The following UNC79 variants were observed in gnomAD, a reference collection of about 807,000 sequenced individuals.
UNC79 encodes the protein unc-79 subunit of NALCN channel complex, also known as protein unc-79 homolog.
A neutral mutation model predicts 283.1 loss-of-function variants in UNC79; 37 were observed. The observed-to-expected ratio is 0.13, with a 90% CI of 0.10 to 0.17. UNC79 has a LOEUF of 0.17. Among genes scored for constraint, UNC79 ranks in the 10% least tolerant of loss-of-function variants. The probability of loss-of-function intolerance (pLI) is 1.00; values close to 1 mark genes in which losing one functional copy is unlikely to be tolerated. For missense variants in UNC79, 2,272 were observed against 3,211.1 expected (o/e 0.71, Z 7.07); for synonymous variants, 1,107 against 1,200.2 (o/e 0.92, Z 1.61).
chr14:93,497,312 C>T, intron 7 of UNC79, 26 bp downstream of exon 7: 1 of 1,603,412 alleles, frequency 6.2e-7, no homozygotes. Flanking sequence ...CCCTGTGATG[C>T]CCCATCTGTA....
intron 1 of UNC79, among the ~76,000 whole-genome samples, chr14:93,423,721 G>C (rs898466590): frequency 6.6e-6 from 1 of 152,134 alleles, no homozygotes; most frequent in African/African-American, 2.4e-5. Context: ...AATCAAAATG[G>C]ATTAAAGACT....
chr14:93,575,093 A>G (rs2063399371), exon 17 of UNC79: 1 of 1,613,516 alleles, frequency 6.2e-7, no homozygotes, highest in Non-Finnish European at 8.5e-7. Context: ...TTCCACTTCA[A>G]CTACTAATAA....
At chr14:93,654,761 T>G (rs1172671706) in intron 37 of UNC79, among the ~76,000 whole-genome samples, 2 of 152,136 alleles carry the variant, frequency 1.3e-5, no homozygotes, top group African/African-American at 4.8e-5. Flanking sequence ...ACAGAACAAC[T>G]TGGTTTTCCA....
chr14:93,347,908 G>C (rs77627449), intron 1 of UNC79: 26,629 of 589,258 alleles, frequency 0.045, 1,386 homozygotes, highest in African/African-American at 0.19. Context: ...TTCACTAGGC[G>C]CCTGTTTCTA....
At chr14:93,634,561 G>A in intron 31 of UNC79, 1 of 1,614,114 alleles carries the variant, frequency 6.2e-7, no homozygotes, top group Non-Finnish European at 8.5e-7. Flanking sequence ...TGGGAGTTCT[G>A]ACAATGAGCC....
chr14:93,693,083 G>A (rs1317169720), intron 46 of UNC79, among the ~76,000 whole-genome samples: 1 of 152,164 alleles, frequency 6.6e-6, no homozygotes, highest in Non-Finnish European at 1.5e-5. Context: ...ATTAGAAAGG[G>A]GATGGTATAT....
intron 10 of UNC79, among the ~76,000 whole-genome samples, chr14:93,530,428 C>T (rs1595762301): frequency 6.7e-6 from 1 of 148,156 alleles, no homozygotes; most frequent in Non-Finnish European, 1.5e-5. Context: ...AACAAACAAA[C>T]AAAAAATTTA....
Position 93,688,522 on chromosome 14 carries a change from G to A in UNC79, c.6910-143G>A, listed in dbSNP as rs1385861946. 5 of 862,300 alleles carry A rather than the reference G, an allele frequency of 5.8e-6. No homozygotes were observed. The highest frequency in any genetic ancestry group is 8.7e-6 in the Non-Finnish European group (5 of 576,510). The allele number at this position is 862,300 out of a possible 1,614,324, so 53.4% of individuals were successfully genotyped here. A position where few individuals can be genotyped will look rare whatever the true frequency, so the allele number is the denominator to read the frequency against. On this transcript the variant is annotated intron_variant, in intron 43 of 48. Transcript: ENST00000555664. The surrounding 1 kb of genome is among the most constrained non-coding windows in gnomAD (Gnocchi z 4.0). ...CCTCCTTTTATCCTAAGAACAATGG[G>A]AAGGCTCTGAAGAAGTTTAAGCAGG...
chr14:93,490,388 A>G (rs1434510916), intron 5 of UNC79, among the ~76,000 whole-genome samples: 2 of 152,184 alleles, frequency 1.3e-5, no homozygotes, highest in Admixed American at 1.3e-4. Context: ...CTCCTTGATT[A>G]ACAATTCTGT....
rs149557865 is a variant in UNC79 at position 93,674,338 on chromosome 14, A to T, written c.6741+883A>T. Among the ~76,000 whole-genome samples, 291 of 152,216 alleles carry T rather than the reference A, an allele frequency of 1.9e-3. 2 individuals are homozygous for T. Among genetic ancestry groups the T allele is most frequent in the African/African-American group, 6.7e-3 (278 of 41,524 alleles). ...GGTTGACTGGCTTCAAGCATAGGGGAGGCTTAGGCAGGATGGTGGAGTACA... is the reference window on the plus strand; with the variant it reads ...GGTTGACTGGCTTCAAGCATAGGGGTGGCTTAGGCAGGATGGTGGAGTACA... On this transcript the variant is annotated intron_variant, in intron 41 of 48. Transcript: ENST00000555664.
Position 93,688,565 on chromosome 14 carries a change from C to T in UNC79, c.6910-100C>T, listed in dbSNP as rs2074432752. On this transcript the variant is annotated intron_variant, in intron 43 of 48. Coordinates refer to ENST00000555664, the Ensembl canonical transcript of UNC79. The surrounding 1 kb of genome is among the most constrained non-coding windows in gnomAD (Gnocchi z 4.0). ...TAAGCAGGTTGTTTGCTCAGAGTGG[C>T]GATAAGCGGGGTGGAAATGACAACC... The T allele has an allele frequency of 8.1e-6, 11 of 1,358,496 alleles. No homozygotes were observed. Among genetic ancestry groups the T allele is most frequent in the Middle Eastern group, 3.8e-4 (2 of 5,314 alleles). 84.2% of individuals were successfully genotyped at this position (1,358,496 alleles called of 1,614,324 possible).
chr14:93,545,060 A>C lies in UNC79; in HGVS notation c.1755+2364A>C, dbSNP rs1202420789. 4.6e-5 allele frequency among the ~76,000 whole-genome samples: 7 copies of C among 152,174 alleles called. No individual in the cohort carries two copies. The East Asian group carries it at 1.3e-3, about 29-fold the overall frequency. ...TTTTAGTTCTCAGTGGTGCCATGTC[A>C]GGTGGGTAGGAGAAAAGTTAGAAGT... On this transcript the variant is annotated intron_variant, in intron 14 of 48. Coordinates refer to ENST00000555664, the Ensembl canonical transcript of UNC79.
intron 11 of UNC79, among the ~76,000 whole-genome samples, chr14:93,536,782 C>CCCTTTT (rs1567069571): frequency 1.2e-5 from 1 of 82,434 alleles, no homozygotes. Context: ...CCACCCCCGG[C>CCCTTTT]TTTTTTTTTT....
intron 35 of UNC79, 89 bp from the exon 39 acceptor site, chr14:93,653,653 G>T: frequency 9.2e-7 from 1 of 1,084,068 alleles, no homozygotes; most frequent in South Asian, 1.4e-5. Context: ...CAGAGGCATG[G>T]TGTGCAAATG....
At chr14:93,662,557 A>G (rs746136141) in intron 39 of UNC79, 47 bp from the exon 43 acceptor site, 5 of 1,271,052 alleles carry the variant, frequency 3.9e-6, no homozygotes, top group Non-Finnish European at 5.6e-6. Flanking sequence ...TTTTTTTGAA[A>G]TGAAGTAATC....
chr14:93,340,433 C>T lies in UNC79; in HGVS notation c.-351+6910C>T, dbSNP rs188397467. 7.3e-3 allele frequency among the ~76,000 whole-genome samples: 848 copies of T among 115,602 alleles called. 12 individuals carry two copies. The highest frequency in any genetic ancestry group is 0.072 in the Middle Eastern group (14 of 194). The allele number at this position is 115,602 out of a possible 152,430, so 75.8% of individuals were successfully genotyped here. A position where few individuals can be genotyped will look rare whatever the true frequency, so the allele number is the denominator to read the frequency against. On this transcript the variant is annotated intron_variant, in intron 1 of 49. Coordinates refer to the UNC79 transcript ENST00000256339. ...CTCTAGCCTGGGCGACAGAGCAAAA[C>T]GCTGTCTCAAAAAAAAAAAAAAAAA...
At chr14:93,436,088 T>G (rs1159753265) in intron 1 of UNC79, among the ~76,000 whole-genome samples, 2 of 152,328 alleles carry the variant, frequency 1.3e-5, no homozygotes, top group East Asian at 3.9e-4. Context: ...TGCATAGTGT[T>G]TGCACAAAAA....
Position 93,623,757 on chromosome 14 carries a change from G to A in UNC79, c.5608+916G>A, listed in dbSNP as rs376290198. 5.9e-5 allele frequency among the ~76,000 whole-genome samples: 9 copies of A among 152,166 alleles called. No individual in the cohort carries two copies. The East Asian group carries it at 7.7e-4, about 13-fold the overall frequency. On this transcript the variant is annotated intron_variant, in intron 30 of 48. Transcript: ENST00000555664. ...AGAATACAAAAATTAGTTGGGCGTG[G>A]TGGCGCACGCCTATCATCCCAGCTA...
chr14:93,362,160 G>A (rs535694237), intron 1 of UNC79, among the ~76,000 whole-genome samples: 12 of 152,156 alleles, frequency 7.9e-5, no homozygotes, highest in East Asian at 1.9e-4. Flanking sequence ...TTTTTTCATC[G>A]TGTCTCACCA....
Sources: gnomAD v4.1 joint callset for allele counts (sites outside exome capture counted in the v4.1 genomes callset) on GRCh38, gnomAD v4.1.1 for gene constraint, Gnocchi (gnomAD v3.1) non-coding constraint, MANE v1.5 for transcripts, NCBI Gene and HGNC (gene_info 2026-07-23, HGNC 2026-07-21) for gene names.